TLL1: variants seen among roughly 807,000 people sequenced by gnomAD.
TLL1 encodes tolloid like 1, also known as tolloid-like protein 1.
In TLL1, 49 loss-of-function variants were observed where a neutral mutation model predicts 128.2. The observed-to-expected ratio is 0.38, with a 90% CI of 0.30 to 0.48. TLL1 has a LOEUF of 0.48. TLL1 is among the 20% of genes least tolerant of loss of function. TLL1 has a pLI of 0.96. For synonymous variants in TLL1, 454 were observed against 418.8 expected, an observed-to-expected ratio of 1.08 and a Z score of -1.03; for missense variants, 1,123 against 1,242.0, an observed-to-expected ratio of 0.90 and a Z score of 1.44.
At chr4:165,884,803 T>A (rs1731100618) in intron 1 of TLL1, among the ~76,000 whole-genome samples, 1 of 152,158 alleles carries the variant, frequency 6.6e-6, no homozygotes. Flanking sequence ...ACCACTGCAC[T>A]CCAGTCTGGG....
intron 15 of TLL1, among the ~76,000 whole-genome samples, chr4:166,063,161 C>G (rs1272578393): frequency 6.6e-6 from 1 of 152,010 alleles, no homozygotes; most frequent in Non-Finnish European, 1.5e-5. Context: ...TCAAACAACC[C>G]CATCAAAAAG....
intron 1 of TLL1, among the ~76,000 whole-genome samples, chr4:165,901,099 G>A (rs968982277): frequency 6.6e-6 from 1 of 151,980 alleles, no homozygotes; most frequent in Non-Finnish European, 1.5e-5. Flanking sequence ...GGTCATTTAT[G>A]TTATTCTCTA....
At chr4:165,992,428 T>C (rs1300756307) in intron 2 of TLL1, among the ~76,000 whole-genome samples, 1 of 152,040 alleles carries the variant, frequency 6.6e-6, no homozygotes, top group Non-Finnish European at 1.5e-5. Context: ...AAATATTCAG[T>C]TTGCACTGGG....
In TLL1 at chr4:166,033,355, A is replaced by G. The variant is rs549148893; in HGVS notation, c.1159-5984A>G. Among the ~76,000 whole-genome samples the G allele has an allele frequency of 7.6e-5, 11 of 145,272 alleles. No homozygotes were observed. The East Asian group carries it at 1.9e-3, about 26-fold the overall frequency. On this transcript the variant is annotated intron_variant, in intron 9 of 20. Coordinates refer to ENST00000061240, the MANE Select transcript of TLL1 (RefSeq NM_012464.5). The stretch of plus-strand genomic sequence containing the variant: ...ATTATGAAATATTTAAGGCAAATCA[A>G]AAGTTAGTGGTATGAGAAGTTCTGT...
chr4:166,036,651 T>C (rs992137288), intron 9 of TLL1, among the ~76,000 whole-genome samples: 1 of 152,154 alleles, frequency 6.6e-6, no homozygotes, highest in Non-Finnish European at 1.5e-5. Context: ...CTATCTTTAT[T>C]ACATTTTCTG....
At chr4:165,954,163 C>T (rs542284600) in intron 1 of TLL1, among the ~76,000 whole-genome samples, 130 of 152,050 alleles carry the variant, frequency 8.5e-4, no homozygotes, top group African/African-American at 1.9e-3. Context: ...ATATTGCCAA[C>T]GGCTATACAA....
At chr4:166,092,346 T>TA (rs749599766) in intron 19 of TLL1, among the ~76,000 whole-genome samples, 37 of 152,080 alleles carry the variant, frequency 2.4e-4, no homozygotes, top group Non-Finnish European at 4.9e-4. Context: ...AAGTCTGTGA[T>TA]AAAGATATTG....
At chr4:165,896,403 G>A (rs989142202) in intron 1 of TLL1, among the ~76,000 whole-genome samples, 9 of 151,522 alleles carry the variant, frequency 5.9e-5, no homozygotes, top group Admixed American at 5.9e-4. Flanking sequence ...ACGTGTGCAT[G>A]TGTCTTTATA....
chr4:165,882,685 C>A (rs1274229912), intron 1 of TLL1, among the ~76,000 whole-genome samples: 1 of 152,082 alleles, frequency 6.6e-6, no homozygotes, highest in Non-Finnish European at 1.5e-5. Context: ...GTGGTGTGAT[C>A]TCAGCTCACT....
intron 9 of TLL1, among the ~76,000 whole-genome samples, chr4:166,031,289 CAT>C (rs1738756779): frequency 6.6e-6 from 1 of 150,408 alleles, no homozygotes; most frequent in Non-Finnish European, 1.5e-5. Context: ...AATATAAACA[CAT>C]GACTGTTATA....
At chr4:165,968,600 G>A (rs1001131391) in intron 1 of TLL1, among the ~76,000 whole-genome samples, 1 of 152,118 alleles carries the variant, frequency 6.6e-6, no homozygotes, top group Admixed American at 6.5e-5. Flanking sequence ...TTAAGTGAAT[G>A]TGGAAGTATT....
At chr4:166,044,235 G>A (rs1166985485) in intron 12 of TLL1, 1 of 681,004 alleles carries the variant, frequency 1.5e-6, no homozygotes, top group African/African-American at 1.8e-5. Context: ...TTTACTGATT[G>A]GAAGACTAAT....
chr4:165,901,923 T>G (rs934827938), intron 1 of TLL1, among the ~76,000 whole-genome samples: 1 of 152,220 alleles, frequency 6.6e-6, no homozygotes, highest in African/African-American at 2.4e-5. Context: ...CTGCTGGCTT[T>G]CTTTCAGAGA....
chr4:165,956,051 T>C (rs942620076), intron 1 of TLL1, among the ~76,000 whole-genome samples: 1 of 151,978 alleles, frequency 6.6e-6, no homozygotes, highest in African/African-American at 2.4e-5. Context: ...AGGGAGTAGA[T>C]ACAAAGATCA....
chr4:165,994,312 C>T, intron 3 of TLL1, 69 bp from the exon 4 acceptor site: 1 of 1,585,846 alleles, frequency 6.3e-7, no homozygotes, highest in Non-Finnish European at 8.6e-7. Flanking sequence ...TAACTTTTGT[C>T]CTTTAAGAGG....
At chr4:165,962,025 T>G (rs1735131321) in intron 1 of TLL1, among the ~76,000 whole-genome samples, 1 of 151,916 alleles carries the variant, frequency 6.6e-6, no homozygotes, top group South Asian at 2.1e-4. Context: ...GGCAAAAAAT[T>G]TATGGCTATG....
chr4:166,067,674 A>AAT (rs576966519), intron 16 of TLL1, among the ~76,000 whole-genome samples: 10 of 151,600 alleles, frequency 6.6e-5, no homozygotes, highest in South Asian at 2.1e-4. Flanking sequence ...GTGCACTTAA[A>AAT]ATATATATAT....
intron 16 of TLL1, among the ~76,000 whole-genome samples, chr4:166,070,409 A>G (rs1740761031): frequency 6.6e-6 from 1 of 151,986 alleles, no homozygotes; most frequent in African/African-American, 2.4e-5. Flanking sequence ...TGGGAATAAT[A>G]TAACAATGAC....
At chr4:166,070,612 A>T (rs1740769614) in intron 16 of TLL1, among the ~76,000 whole-genome samples, 1 of 151,950 alleles carries the variant, frequency 6.6e-6, no homozygotes, top group South Asian at 2.1e-4. Context: ...GCTCAAGGAC[A>T]GAAACGGACT....
Sources: allele counts gnomAD v4.1 joint callset (sites outside exome capture counted in the v4.1 genomes callset), GRCh38; gene constraint gnomAD v4.1.1; transcripts MANE v1.5; gene names NCBI Gene and HGNC (gene_info 2026-07-23, HGNC 2026-07-21).